Variants in PBX3 observed in about 807,000 individuals in gnomAD.
The protein encoded by PBX3 is PBX homeobox 3, also known as pre-B-cell leukemia transcription factor 3.
A neutral mutation model predicts 48.5 loss-of-function variants in PBX3; 14 were observed. The observed-to-expected ratio is 0.29, with a 90% confidence interval of 0.19 to 0.45. The LOEUF is 0.45. PBX3 is among the 20% of genes least tolerant of loss of function. PBX3 has a pLI of 1.00. For missense variants in PBX3, 386 were observed against 546.7 expected, an observed-to-expected ratio of 0.71 and a Z score of 2.93; for synonymous variants, 210 against 200.3, an observed-to-expected ratio of 1.05 and a Z score of -0.41.
At chr9:125,939,519 T>G (rs913334135) in intron 5 of PBX3, among the ~76,000 whole-genome samples, 3 of 152,162 alleles carry the variant, frequency 2.0e-5, no homozygotes, top group African/African-American at 7.2e-5. Flanking sequence ...TATAGCCACT[T>G]TGGAAAACTT....
rs577005262 is a variant in PBX3 at position 125,904,786 on chromosome 9, T to G, written c.275-10900T>G. On this transcript the variant is annotated intron_variant, in intron 2 of 8. Coordinates refer to ENST00000373489, the MANE Select transcript of PBX3 (RefSeq NM_006195.6). ...AGCTGCCCAGAGAGTCAGTACAGCT[T>G]TAATGAGCCTGTGTGAAGAGGAAGA... is the stretch of plus-strand genomic sequence containing the variant. Among the ~76,000 whole-genome samples the G allele has an allele frequency of 2.0e-5, 3 of 151,986 alleles. No homozygotes were observed. In the East Asian group the frequency reaches 5.8e-4, roughly 30 times the overall value.
intron 2 of PBX3, among the ~76,000 whole-genome samples, chr9:125,768,305 A>G (rs1388859667): frequency 6.6e-6 from 1 of 152,168 alleles, no homozygotes; most frequent in Non-Finnish European, 1.5e-5. Context: ...AAACTTTCCT[A>G]TGTAAAGACT....
intron 2 of PBX3, among the ~76,000 whole-genome samples, chr9:125,848,270 G>A (rs1000035835): frequency 4.6e-5 from 7 of 151,890 alleles, no homozygotes; most frequent in Non-Finnish European, 1.0e-4. Flanking sequence ...TCACCTCAAG[G>A]TATAGTCTCT....
intron 2 of PBX3, among the ~76,000 whole-genome samples, chr9:125,846,922 A>G (rs1839440112): frequency 1.3e-5 from 2 of 151,272 alleles, no homozygotes; most frequent in South Asian, 4.2e-4. Flanking sequence ...AACCCTTTGT[A>G]CTTTTTTGTT....
At chr9:125,913,993 G>A (rs1841266523) in intron 2 of PBX3, among the ~76,000 whole-genome samples, 1 of 152,126 alleles carries the variant, frequency 6.6e-6, no homozygotes, top group Admixed American at 6.5e-5. Context: ...GCATGTACAG[G>A]TCGTGAGATT....
chr9:125,816,159 G>GTTTTTGT (rs1305326908), intron 2 of PBX3, among the ~76,000 whole-genome samples: 2 of 151,964 alleles, frequency 1.3e-5, no homozygotes, highest in African/African-American at 4.8e-5. Flanking sequence ...GCTAATTTTG[G>GTTTTTGT]TTTTTGTTTT....
At chr9:125,959,063 G>T (rs1024963162) in intron 5 of PBX3, among the ~76,000 whole-genome samples, 2 of 152,166 alleles carry the variant, frequency 1.3e-5, no homozygotes, top group African/African-American at 4.8e-5. Context: ...CATTGGATTT[G>T]GGACTGGTGT....
intron 2 of PBX3, among the ~76,000 whole-genome samples, chr9:125,769,920 A>G (rs1836898998): frequency 6.6e-6 from 1 of 152,114 alleles, no homozygotes; most frequent in Admixed American, 6.5e-5. Flanking sequence ...GCTCTTAACC[A>G]CTTATTAATT....
chr9:125,786,926 T>C (rs58749244), intron 2 of PBX3, among the ~76,000 whole-genome samples: 5,895 of 152,192 alleles, frequency 0.039, 404 homozygotes, highest in African/African-American at 0.13. Flanking sequence ...GGTTTCACCA[T>C]GTTGGCCAGG....
intron 4 of PBX3, 138 bp from the exon 5 acceptor site, chr9:125,935,334 T>C (rs1460952937): frequency 1.4e-6 from 1 of 702,972 alleles, no homozygotes; most frequent in Non-Finnish European, 2.4e-6. Context: ...ACATAACGTA[T>C]AATATCACAG....
intron 5 of PBX3, among the ~76,000 whole-genome samples, chr9:125,947,561 A>AT (rs1334528802): frequency 9.9e-5 from 15 of 152,112 alleles, no homozygotes; most frequent in East Asian, 5.8e-4. Flanking sequence ...ACATAGAATA[A>AT]TTTTTTTTAA....
chr9:125,959,032 G>A (rs7868182), intron 5 of PBX3, among the ~76,000 whole-genome samples: 95,426 of 151,638 alleles, frequency 0.63, 31,524 homozygotes, highest in East Asian at 0.77. Flanking sequence ...TGAGAGGTCA[G>A]ACTAGTCAGA....
intron 2 of PBX3, among the ~76,000 whole-genome samples, chr9:125,809,820 A>G (rs1235390781): frequency 6.6e-6 from 1 of 152,202 alleles, no homozygotes; most frequent in Non-Finnish European, 1.5e-5. Context: ...ATGTTTAAAG[A>G]ATTCCTATAA....
intron 2 of PBX3, among the ~76,000 whole-genome samples, chr9:125,912,885 G>T (rs1345338864): frequency 6.6e-6 from 1 of 152,104 alleles, no homozygotes. Flanking sequence ...AGAGGAGTAG[G>T]TATTATGACT....
intron 2 of PBX3, among the ~76,000 whole-genome samples, chr9:125,824,823 A>G (rs969447927): frequency 2.0e-5 from 3 of 152,162 alleles, no homozygotes; most frequent in South Asian, 4.1e-4. Flanking sequence ...TTATGTAACA[A>G]TAACGATAGC....
intron 2 of PBX3, among the ~76,000 whole-genome samples, chr9:125,791,330 T>G (rs888718185): frequency 1.3e-5 from 2 of 151,656 alleles, no homozygotes; most frequent in African/African-American, 4.9e-5. Context: ...TATCTATCTA[T>G]CTATCTATCT....
chr9:125,782,047 ATATCC>A (rs764111744), intron 2 of PBX3, among the ~76,000 whole-genome samples: 10 of 152,142 alleles, frequency 6.6e-5, no homozygotes, highest in Non-Finnish European at 1.5e-4. Context: ...ATTACAATTA[ATATCC>A]TAAGTTTATA....
intron 2 of PBX3, among the ~76,000 whole-genome samples, chr9:125,753,542 A>AT (rs565517805): frequency 5.9e-5 from 9 of 151,974 alleles, no homozygotes; most frequent in East Asian, 1.9e-4. Flanking sequence ...CCTGTTCTTT[A>AT]TTTTTTTCTT....
intron 2 of PBX3, among the ~76,000 whole-genome samples, chr9:125,893,992 A>G (rs970834503): frequency 6.6e-6 from 1 of 152,272 alleles, no homozygotes; most frequent in East Asian, 1.9e-4. Context: ...AGCTGGCAAA[A>G]TGTTTTTAAG....
Sources: allele counts gnomAD v4.1 joint callset (sites outside exome capture counted in the v4.1 genomes callset), GRCh38; gene constraint gnomAD v4.1.1; transcripts MANE v1.5; gene names NCBI Gene and HGNC (gene_info 2026-07-23, HGNC 2026-07-21).